The following CIT variants were observed in gnomAD, a reference collection of about 807,000 sequenced individuals.
CIT encodes the protein citron Rho-interacting kinase.
CIT carries 79 observed loss-of-function variants against 272.7 expected under a neutral mutation model. The ratio of observed to expected loss-of-function variants is 0.29; its 90% CI spans 0.24 to 0.35. CIT has a LOEUF of 0.35. CIT is among the 10% of genes least tolerant of loss of function. CIT has a pLI of 1.00. For synonymous variants in CIT, 948 were observed against 995.6 expected, an observed-to-expected ratio of 0.95 and a Z score of 0.90; for missense variants, 1,909 against 2,618.3, an observed-to-expected ratio of 0.73 and a Z score of 5.91.
chr12:119,732,554 G>A (rs1958515281), intron 26 of CIT, among the ~76,000 whole-genome samples: 4 of 152,170 alleles, frequency 2.6e-5, no homozygotes, highest in Admixed American at 6.5e-5. Context: ...CAAATACCCT[G>A]AGTGGGGAAG....
intron 7 of CIT, among the ~76,000 whole-genome samples, chr12:119,826,595 G>A (rs118137948): frequency 6.6e-6 from 1 of 152,270 alleles, no homozygotes; most frequent in East Asian, 1.9e-4. Context: ...GAAATTTGAA[G>A]TCTAAAGATT....
chr12:119,840,090 G>A (rs1281128212), intron 5 of CIT, among the ~76,000 whole-genome samples: 1 of 152,206 alleles, frequency 6.6e-6, no homozygotes, highest in Non-Finnish European at 1.5e-5. Flanking sequence ...GCTGAAGCAG[G>A]AGGATCACTT....
rs542555268 is a variant in CIT at position 119,760,043 on chromosome 12, C to T, written c.2421+896G>A. 1.5e-4 allele frequency among the ~76,000 whole-genome samples: 23 copies of T among 151,844 alleles called. No homozygotes were observed. In the South Asian group the frequency reaches 3.1e-3, roughly 21 times the overall value. Reference sequence around the variant, plus strand: ...CTCTACTAAAAATACAAAAATTAGCCGGGCACGGTGGCACATGCCTTTAAT... The same window carrying T: ...CTCTACTAAAAATACAAAAATTAGCTGGGCACGGTGGCACATGCCTTTAAT... On this transcript the variant is annotated intron_variant, in intron 20 of 47. Transcript: ENST00000392521.
chr12:119,808,638 A>C (rs2137925038), intron 9 of CIT, among the ~76,000 whole-genome samples: 1 of 152,328 alleles, frequency 6.6e-6, no homozygotes, highest in East Asian at 1.9e-4. Context: ...GGATGAAGGC[A>C]CATAAATAAT....
At chr12:119,756,482 C>G (rs1369690697) in intron 22 of CIT, among the ~76,000 whole-genome samples, 2 of 152,158 alleles carry the variant, frequency 1.3e-5, no homozygotes, top group Admixed American at 6.5e-5. Context: ...CTGAGGCGAA[C>G]TGGTGCCCTA....
At chr12:119,829,097 G>A (rs1261936395) in intron 7 of CIT, among the ~76,000 whole-genome samples, 2 of 152,152 alleles carry the variant, frequency 1.3e-5, no homozygotes, top group Admixed American at 1.3e-4. Context: ...AGCAGATGAG[G>A]AAGAAAGAAA....
intron 5 of CIT, among the ~76,000 whole-genome samples, chr12:119,841,251 T>G (rs1304861975): frequency 6.6e-6 from 1 of 151,674 alleles, no homozygotes; most frequent in Non-Finnish European, 1.5e-5. Context: ...CTTGGCTCAC[T>G]GCAACCTCTG....
At chr12:119,732,563 A>G (rs1231843747) in intron 26 of CIT, among the ~76,000 whole-genome samples, 2 of 152,206 alleles carry the variant, frequency 1.3e-5, no homozygotes, top group Non-Finnish European at 2.9e-5. Context: ...TGAGTGGGGA[A>G]GCTGGGAGGA....
chr12:119,795,620 C>T (rs969581272), intron 10 of CIT, among the ~76,000 whole-genome samples: 6 of 152,098 alleles, frequency 3.9e-5, no homozygotes, highest in African/African-American at 1.4e-4. Context: ...TAGACAAGTC[C>T]ATAACTCCTG....
At chr12:119,699,717 C>G in intron 44 of CIT, 1 of 438,200 alleles carries the variant, frequency 2.3e-6, no homozygotes. Flanking sequence ...TCTAGTTGTC[C>G]CAGTGGCCCT....
intron 28 of CIT, among the ~76,000 whole-genome samples, 200 bp from the exon 29 acceptor site, chr12:119,721,649 C>A (rs528094220): frequency 7.8e-4 from 119 of 152,344 alleles, no homozygotes; most frequent in Non-Finnish European, 1.6e-3. Context: ...GAAACCTCTG[C>A]TGGCCAACAA....
chr12:119,733,072 T>A (rs1958554477), intron 26 of CIT, among the ~76,000 whole-genome samples: 1 of 152,224 alleles, frequency 6.6e-6, no homozygotes, highest in Admixed American at 6.5e-5. Context: ...ATGACATCTT[T>A]AATGTGACCA....
At position 119,871,702 on chromosome 12, in the gene CIT, A is replaced by C. The variant is rs769621772; in HGVS notation, c.97-2501T>G. Among the ~76,000 whole-genome samples, 7 of 152,144 alleles carry C rather than the reference A, an allele frequency of 4.6e-5. No homozygotes were observed. In the South Asian group the frequency reaches 1.2e-3, roughly 27 times the overall value. ...GATCCCATCTCTACAAACAAACAAA[A>C]AAAAATTAGCCAGGTGTAGTGCCAT... On this transcript the variant is annotated intron_variant, in intron 2 of 47. Transcript: ENST00000392521.
At chr12:119,734,542 C>A in intron 25 of CIT, 185 bp from the exon 26 acceptor site, 1 of 642,988 alleles carries the variant, frequency 1.6e-6, no homozygotes, top group East Asian at 2.7e-5. Flanking sequence ...CTGCAGCCAC[C>A]TTAGAGGCAG....
Position 119,804,445 on chromosome 12 carries a change from C to T in CIT, c.1112-1056G>A. The T allele has an allele frequency of 1.2e-5, 12 of 985,784 alleles. No homozygotes were observed. Among genetic ancestry groups the T allele is most frequent in the Non-Finnish European group, 1.4e-5 (12 of 830,220 alleles). The allele number at this position is 985,784 out of a possible 1,614,324, so 61.1% of individuals were successfully genotyped here. A position where few individuals can be genotyped will look rare whatever the true frequency, so the allele number is the denominator to read the frequency against. On this transcript the variant is annotated intron_variant, in intron 9 of 47. Coordinates refer to ENST00000392521, the MANE Select transcript of CIT (RefSeq NM_001206999.2). The surrounding 1 kb of genome is among the most constrained non-coding windows in gnomAD (Gnocchi z 5.3). ...CGTGCGTGCGTGCTCTGGCTGGAACCCCACCTGGCTGCCGCCTGCCTGCCA... is the reference window on the plus strand; with the variant it reads ...CGTGCGTGCGTGCTCTGGCTGGAACTCCACCTGGCTGCCGCCTGCCTGCCA...
chr12:119,872,220 A>AT (rs199607361), intron 2 of CIT, among the ~76,000 whole-genome samples: 24 of 149,788 alleles, frequency 1.6e-4, no homozygotes, highest in South Asian at 6.3e-4. Flanking sequence ...CTTTCTTTTT[A>AT]TTTTTTTTTT....
At chr12:119,753,124 T>C (rs914070182) in intron 22 of CIT, among the ~76,000 whole-genome samples, 2 of 151,966 alleles carry the variant, frequency 1.3e-5, no homozygotes, top group Non-Finnish European at 2.9e-5. Context: ...CTGACAAACA[T>C]GGACAGTGTG....
At chr12:119,748,276 C>A (rs1460532471) in intron 23 of CIT, among the ~76,000 whole-genome samples, 1 of 152,208 alleles carries the variant, frequency 6.6e-6, no homozygotes, top group African/African-American at 2.4e-5. Flanking sequence ...GGACAGGTTG[C>A]AGCCAGTCTG....
chr12:119,869,272 A>G, intron 2 of CIT, 71 bp from the exon 3 acceptor site: 1 of 1,453,524 alleles, frequency 6.9e-7, no homozygotes, highest in Non-Finnish European at 9.2e-7. Context: ...ATCCACACAG[A>G]GTAAATTACA....
Sources: gnomAD v4.1 joint callset for allele counts (sites outside exome capture counted in the v4.1 genomes callset) on GRCh38, gnomAD v4.1.1 for gene constraint, Gnocchi (gnomAD v3.1) non-coding constraint, MANE v1.5 for transcripts, NCBI Gene and HGNC (gene_info 2026-07-23, HGNC 2026-07-21) for gene names.